NRK: variants seen among roughly 807,000 people sequenced by gnomAD.
NRK encodes the protein Nik related kinase, also known as nik-related protein kinase.
NRK carries 67 observed loss-of-function variants against 125.2 expected under a neutral mutation model. The ratio of observed to expected loss-of-function variants is 0.54; its 90% CI spans 0.44 to 0.66. The LOEUF is 0.66. NRK is among the 30% of genes least tolerant of loss of function. NRK has a pLI of 0.00. For missense variants in NRK, 1,224 were observed against 1,192.9 expected, an observed-to-expected ratio of 1.03 and a Z score of -0.38; for synonymous variants, 458 against 429.0, an observed-to-expected ratio of 1.07 and a Z score of -0.84.
At chrX:105,895,669 T>C (rs1363592161) in intron 7 of NRK, 146 bp downstream of exon 7, 1 of 435,115 alleles carries the variant, frequency 2.3e-6, no homozygotes, top group Non-Finnish European at 4.0e-6. Context: ...CAGTCAAAAT[T>C]TGAAAATTTG....
intron 2 of NRK, among the ~76,000 whole-genome samples, chrX:105,870,779 C>A (rs2039735910): frequency 9.0e-6 from 1 of 111,629 alleles, no homozygotes; most frequent in Admixed American, 9.5e-5. Context: ...AGCTACAAAG[C>A]CACTGAAACT....
chrX:105,865,053 A>G (rs1477643465), intron 2 of NRK, among the ~76,000 whole-genome samples: 1 of 111,015 alleles, frequency 9.0e-6, no homozygotes, highest in Non-Finnish European at 1.9e-5. Flanking sequence ...TCCCTTCACT[A>G]TTGCCTTTGA....
chrX:105,937,484 A>T lies in NRK; in HGVS notation c.3701A>T (p.Asp1234Val), dbSNP rs973647825. The change falls in exon 22 of 29, where the codon GAC becomes GTC. Residue 1234 changes from aspartate (D) to valine (V), a missense_variant. Asp to Val is a radical substitution (Grantham distance 152, BLOSUM62 -3). Coordinates refer to ENST00000243300, the MANE Select transcript of NRK (RefSeq NM_198465.4). ...ACCCGATCTAATCTATATCTGATGG[A>T]CAGAAGTGGAAAGGCTGACATTACT... Reference protein sequence around the residue: ...LGTRSNLYLMDRSGKADITKL... With the variant: ...LGTRSNLYLMVRSGKADITKL... 4.2e-6 allele frequency: 5 copies of T among 1,194,690 alleles called. No individual in the cohort carries two copies.
chrX:105,882,712 C>T (rs770308470), intron 4 of NRK, among the ~76,000 whole-genome samples: 1 of 111,005 alleles, frequency 9.0e-6, no homozygotes, highest in East Asian at 2.8e-4. Context: ...TATTACTAAA[C>T]AACCTCATGA....
At chrX:105,843,747 T>C (rs1460365284) in intron 2 of NRK, among the ~76,000 whole-genome samples, 3 of 111,301 alleles carry the variant, frequency 2.7e-5, no homozygotes, top group Non-Finnish European at 5.7e-5. Flanking sequence ...CTAGAACATG[T>C]GTAAATATTT....
intron 2 of NRK, among the ~76,000 whole-genome samples, chrX:105,876,493 G>C (rs2039817655): frequency 9.1e-6 from 1 of 110,403 alleles, no homozygotes; most frequent in Non-Finnish European, 1.9e-5. Context: ...GCTCCTGTAT[G>C]ATACTCCAGA....
At chrX:105,918,788 C>A (rs1235680717) in intron 16 of NRK, among the ~76,000 whole-genome samples, 1 of 110,216 alleles carries the variant, frequency 9.1e-6, no homozygotes, top group Admixed American at 9.7e-5. Flanking sequence ...GGCATCTGTG[C>A]AGATAATAGC....
intron 2 of NRK, among the ~76,000 whole-genome samples, chrX:105,862,218 G>T (rs2039612578): frequency 9.0e-6 from 1 of 111,650 alleles, no homozygotes; most frequent in South Asian, 3.7e-4. Context: ...AACAGTGAAT[G>T]GTTTATTACT....
intron 2 of NRK, among the ~76,000 whole-genome samples, chrX:105,878,248 T>C (rs936150115): frequency 1.8e-5 from 2 of 111,119 alleles, no homozygotes; most frequent in Non-Finnish European, 3.8e-5. Flanking sequence ...CTCCCAGAGA[T>C]GTAAATAAAT....
rs767680732 is a variant in NRK, at chrX:105,910,929, G to GT, written c.2241+1049dup. Among the ~76,000 whole-genome samples, 3 of 111,616 alleles carry GT rather than the reference G, an allele frequency of 2.7e-5. No individual in the cohort carries two copies. The East Asian group carries it at 8.5e-4, about 32-fold the overall frequency. On this transcript the variant is annotated intron_variant, in intron 13 of 28. Transcript: ENST00000243300. ...AAAAACAACATTTCATAATGTTCAA[G>GT]TTGTTATCTACAGAGCAGTTAAGGG...
intron 28 of NRK, 40 bp from the exon 29 acceptor site, chrX:105,955,465 A>G (rs1296369824): frequency 1.2e-6 from 1 of 800,020 alleles, no homozygotes. Context: ...GTTGCAATGT[A>G]TTAAATATCT....
chrX:105,839,727 T>C (rs975626906), intron 2 of NRK, among the ~76,000 whole-genome samples: 1 of 111,602 alleles, frequency 9.0e-6, no homozygotes, highest in Non-Finnish European at 1.9e-5. Context: ...TTAGGAGCGG[T>C]CATTTTTATT....
chrX:105,857,603 C>G (rs1330016728), intron 2 of NRK, among the ~76,000 whole-genome samples: 1 of 111,218 alleles, frequency 9.0e-6, no homozygotes, highest in Non-Finnish European at 1.9e-5. Context: ...AAAAATCCCC[C>G]CCTTTTTTTT....
At chrX:105,923,891 C>CTATATATATATATATA (rs1204761152) in intron 18 of NRK, among the ~76,000 whole-genome samples, 18 of 47,841 alleles carry the variant, frequency 3.8e-4, no homozygotes, top group South Asian at 1.4e-3. Flanking sequence ...TGTGATATCA[C>CTATATATATATATATA]TATATATATA....
chrX:105,844,629 A>G (rs1160688472), intron 2 of NRK, among the ~76,000 whole-genome samples: 2 of 111,614 alleles, frequency 1.8e-5, no homozygotes, highest in Non-Finnish European at 3.8e-5. Context: ...TGAGGCCAGA[A>G]CGTTCCAGAT....
chrX:105,927,560 C>T (rs192620595), intron 19 of NRK, among the ~76,000 whole-genome samples: 1 of 111,161 alleles, frequency 9.0e-6, no homozygotes, highest in African/African-American at 3.3e-5. Context: ...TATTCCAGTT[C>T]TTAGAGGAAA....
chrX:105,940,054 C>G (rs367597442), intron 23 of NRK, 22 bp downstream of exon 23: 4 of 1,083,112 alleles, frequency 3.7e-6, no homozygotes, highest in Non-Finnish European at 5.0e-6. Flanking sequence ...TTCATGTTTA[C>G]TACAGCTATA....
At chrX:105,890,211 G>T (rs1053608348) in intron 5 of NRK, among the ~76,000 whole-genome samples, 1 of 111,430 alleles carries the variant, frequency 9.0e-6, no homozygotes, top group East Asian at 2.8e-4. Flanking sequence ...GGTCACCTTC[G>T]CTCCAGTTCC....
At chrX:105,888,527 C>T (rs1193201119) in intron 5 of NRK, 108 bp downstream of exon 5, 3 of 644,935 alleles carry the variant, frequency 4.7e-6, no homozygotes, top group Non-Finnish European at 7.0e-6. Context: ...ACTTAGCACA[C>T]AACTGTTAAG....
Sources: gnomAD v4.1 joint callset for allele counts (sites outside exome capture counted in the v4.1 genomes callset) on GRCh38, gnomAD v4.1.1 for gene constraint, MANE v1.5 for transcripts, NCBI Gene and HGNC (gene_info 2026-07-23, HGNC 2026-07-21) for gene names.